NGLY1: variants seen among roughly 807,000 people sequenced by gnomAD.
NGLY1 encodes the protein peptide-N(4)-(N-acetyl-beta-glucosaminyl)asparagine amidase.
In NGLY1, 68 loss-of-function variants were observed where a neutral mutation model predicts 84.6. That is an observed-to-expected ratio of 0.80 (90% CI 0.66 to 0.98). The LOEUF (loss-of-function observed/expected upper bound fraction) is 0.98, where lower values mean the gene tolerates loss of function less well. Ranked by LOEUF, NGLY1 falls within the 50% of genes least tolerant of loss-of-function variation. The pLI is 0.00. For missense variants in NGLY1, 779 were observed against 770.2 expected, an observed-to-expected ratio of 1.01 and a Z score of -0.14; for synonymous variants, 280 against 275.2, an observed-to-expected ratio of 1.02 and a Z score of -0.17.
intron 2 of NGLY1, among the ~76,000 whole-genome samples, chr3:25,770,923 G>C (rs991231795): frequency 6.6e-6 from 1 of 152,004 alleles, no homozygotes; most frequent in Non-Finnish European, 1.5e-5. Context: ...ATTTGTTTGA[G>C]TTCCTTCTAG....
intron 10 of NGLY1, among the ~76,000 whole-genome samples, chr3:25,722,855 C>T (rs1006735601): frequency 7.9e-5 from 12 of 152,094 alleles, no homozygotes; most frequent in African/African-American, 2.9e-4. Flanking sequence ...GGGTTACACA[C>T]AGGTTAACTG....
chr3:25,770,107 G>A (rs965857465), intron 2 of NGLY1, among the ~76,000 whole-genome samples: 3 of 152,114 alleles, frequency 2.0e-5, no homozygotes, highest in Non-Finnish European at 4.4e-5. Context: ...TGCTGCAAAT[G>A]CCATTATTTC....
chr3:25,783,812 T>G (rs75640939), upstream of NGLY1, among the ~76,000 whole-genome samples: 17,033 of 151,536 alleles, frequency 0.11, 2,371 homozygotes, highest in African/African-American at 0.33. This position sits in a 1 kb window ranked among gnomAD's most constrained non-coding sequence, Gnocchi z 4.5. Flanking sequence ...GGGCCTGGGC[T>G]CCGGGGCTGA....
In NGLY1 at chr3:25,719,525, T is replaced by C; in HGVS notation, c.1900A>G (p.Arg634Gly). ...TCTTCATGGTCATTTAAGCTTTGTC[T>C]AAACAGCTGGGTGTGTTGCCAAGCG... Reference protein sequence around the residue: ...DVAWQHTQLFRQSLNDHEENC... With the variant: ...DVAWQHTQLFGQSLNDHEENC... Residue 634 changes from arginine (R) to glycine (G), a missense_variant, in exon 12 of 12, where the codon AGA becomes GGA. Transcript: ENST00000280700. 1 of 1,614,050 alleles carries C rather than the reference T, an allele frequency of 6.2e-7. No individual in the cohort carries two copies. The highest frequency in any genetic ancestry group is 8.5e-7 in the Non-Finnish European group (1 of 1,179,932).
intron 10 of NGLY1, among the ~76,000 whole-genome samples, chr3:25,723,471 A>C (rs563218630): frequency 6.6e-6 from 1 of 152,310 alleles, no homozygotes; most frequent in South Asian, 2.1e-4. Flanking sequence ...TATTCTGTCA[A>C]AGACTCATTT....
intron 5 of NGLY1, among the ~76,000 whole-genome samples, chr3:25,738,463 A>G (rs1198042852): frequency 6.6e-6 from 1 of 152,188 alleles, no homozygotes; most frequent in East Asian, 1.9e-4. Context: ...AGAGCTGAGC[A>G]GGAAAAGTGC....
intron 2 of NGLY1, among the ~76,000 whole-genome samples, chr3:25,773,034 G>A (rs1707973932): frequency 6.6e-6 from 1 of 152,172 alleles, no homozygotes; most frequent in Admixed American, 6.5e-5. Flanking sequence ...TAGGTTATCT[G>A]ATGCTTTTGC....
intron 10 of NGLY1, among the ~76,000 whole-genome samples, chr3:25,728,860 ATGGAT>A (rs1029366543): frequency 3.7e-4 from 57 of 152,086 alleles, no homozygotes; most frequent in African/African-American, 1.4e-3. Flanking sequence ...AATCAGTCAT[ATGGAT>A]TGATCATACA....
chr3:25,740,387 C>T (rs185436916), intron 4 of NGLY1, among the ~76,000 whole-genome samples: 3 of 152,132 alleles, frequency 2.0e-5, no homozygotes, highest in African/African-American at 7.2e-5. Flanking sequence ...TATAACATGA[C>T]AGATAATATA....
chr3:25,785,152 AAAAAAAAGTC>A (rs2125334532), upstream of NGLY1, among the ~76,000 whole-genome samples: 1 of 151,798 alleles, frequency 6.6e-6, no homozygotes, highest in Non-Finnish European at 1.5e-5. Flanking sequence ...AAAAAAAAAA[AAAAAAAAGTC>A]ACACCTACTT....
chr3:25,746,594 C>CT (rs1192071934), intron 4 of NGLY1, among the ~76,000 whole-genome samples: 2 of 152,182 alleles, frequency 1.3e-5, no homozygotes, highest in Non-Finnish European at 2.9e-5. Flanking sequence ...AGCTAATAGA[C>CT]TTGAAGGATT....
chr3:25,783,356 G>T lies in NGLY1; in HGVS notation c.35C>A (p.Ser12Ter), dbSNP rs755653950. The change falls in exon 1 of 12, where the codon TCG becomes TAG. Residue 12 changes from serine (S) to a stop codon, truncating the protein, a stop_gained. Transcript: ENST00000280700. LOFTEE classifies it high-confidence loss of function. This position sits in a 1 kb window ranked among gnomAD's most constrained non-coding sequence, Gnocchi z 4.5. The part of the protein sequence containing the change: ...AAAALGSSSG[S>*]ASPAVAELCQ... The stretch of plus-strand genomic sequence containing the variant: ...GAGCTCAGCCACGGCCGGGGACGCC[G>T]AGCCTGAGGAGCTGCCCAATGCCGC... 5 of 1,563,166 alleles carry T rather than the reference G, an allele frequency of 3.2e-6. No individual in the cohort carries two copies. Among genetic ancestry groups the T allele is most frequent in the Non-Finnish European group, 1.7e-6 (2 of 1,156,054 alleles).
intron 7 of NGLY1, 115 bp downstream of exon 7, chr3:25,735,889 G>T: frequency 1.1e-6 from 1 of 932,896 alleles, no homozygotes; most frequent in Non-Finnish European, 1.6e-6. Context: ...TTATCAAACT[G>T]TACAATTTAA....
intron 4 of NGLY1, among the ~76,000 whole-genome samples, chr3:25,746,651 A>G (rs561701846): frequency 6.6e-6 from 1 of 152,322 alleles, no homozygotes; most frequent in African/African-American, 2.4e-5. Context: ...CAGATGGACA[A>G]ATGCATCAGG....
intron 3 of NGLY1, among the ~76,000 whole-genome samples, chr3:25,752,963 A>G (rs1706835004): frequency 6.6e-6 from 1 of 152,186 alleles, no homozygotes; most frequent in Admixed American, 6.5e-5. Flanking sequence ...ACAGACATTG[A>G]GGATAAATCC....
At chr3:25,736,250 A>G (rs536996533) in intron 6 of NGLY1, 101 bp from the exon 7 acceptor site, 6 of 1,554,556 alleles carry the variant, frequency 3.9e-6, no homozygotes, top group Non-Finnish European at 5.2e-6. Flanking sequence ...AAAGTAATGC[A>G]TAATATTCTG....
At chr3:25,733,478 T>C (rs1056520720) in intron 8 of NGLY1, among the ~76,000 whole-genome samples, 11 of 134,416 alleles carry the variant, frequency 8.2e-5, no homozygotes, top group African/African-American at 2.7e-4. Flanking sequence ...TGTGTGTGTG[T>C]GTGTGTGTGT....
chr3:25,755,040 T>G (rs763165709), intron 3 of NGLY1: 54 of 1,119,954 alleles, frequency 4.8e-5, no homozygotes, highest in Non-Finnish European at 7.0e-5. Context: ...ATAAATCAAA[T>G]TTTGGAATTT....
At chr3:25,758,731 A>G (rs1217647025) in intron 3 of NGLY1, among the ~76,000 whole-genome samples, 1 of 152,224 alleles carries the variant, frequency 6.6e-6, no homozygotes, top group African/African-American at 2.4e-5. Context: ...ATATGTGCTG[A>G]AAAATATTTT....
Sources: gnomAD v4.1 joint callset for allele counts (sites outside exome capture counted in the v4.1 genomes callset) on GRCh38, gnomAD v4.1.1 for gene constraint, Gnocchi (gnomAD v3.1) non-coding constraint, MANE v1.5 for transcripts, NCBI Gene and HGNC (gene_info 2026-07-23, HGNC 2026-07-21) for gene names.